The following ADAMTS6 variants were observed in gnomAD, a reference collection of about 807,000 sequenced individuals.
ADAMTS6 encodes A disintegrin and metalloproteinase with thrombospondin motifs 6.
Under a neutral mutation model 144.3 loss-of-function variants are expected in ADAMTS6, and 23 were observed. The observed-to-expected ratio is 0.16, with a 90% CI of 0.11 to 0.23. ADAMTS6 has a LOEUF of 0.23. Ranked by LOEUF, ADAMTS6 falls within the 10% of genes least tolerant of loss-of-function variation. The probability of loss-of-function intolerance (pLI) is 1.00; values close to 1 mark genes in which losing one functional copy is unlikely to be tolerated. For synonymous variants in ADAMTS6, 444 were observed against 457.5 expected, an observed-to-expected ratio of 0.97 and a Z score of 0.38; for missense variants, 999 against 1,379.6, an observed-to-expected ratio of 0.72 and a Z score of 4.37.
chr5:65,313,377 C>A (rs2112850755), intron 9 of ADAMTS6, among the ~76,000 whole-genome samples: 2 of 151,980 alleles, frequency 1.3e-5, no homozygotes, highest in South Asian at 2.1e-4. Flanking sequence ...GTGAATATGT[C>A]CACATTATGT....
At chr5:65,416,516 T>G (rs1755523546) in intron 7 of ADAMTS6, among the ~76,000 whole-genome samples, 1 of 152,156 alleles carries the variant, frequency 6.6e-6, no homozygotes, top group African/African-American at 2.4e-5. Context: ...TTATTCATAA[T>G]GGCCCAAAGG....
At chr5:65,305,917 A>G (rs906253874) in intron 9 of ADAMTS6, among the ~76,000 whole-genome samples, 2 of 152,160 alleles carry the variant, frequency 1.3e-5, no homozygotes, top group African/African-American at 4.8e-5. Context: ...GTGCCTGATC[A>G]CTTGTTCTTT....
intron 14 of ADAMTS6, among the ~76,000 whole-genome samples, chr5:65,245,474 C>T (rs910038831): frequency 6.6e-6 from 1 of 152,156 alleles, no homozygotes; most frequent in African/African-American, 2.4e-5. Context: ...GACAAAACTA[C>T]CTCTTATGTA....
At position 65,215,359 on chromosome 5, in the gene ADAMTS6, C is replaced by T. The variant is rs1756840355; in HGVS notation, c.2401G>A (p.Ala801Thr). 1.2e-6 allele frequency: 2 copies of T among 1,614,024 alleles called. No homozygotes were observed. The highest frequency in any genetic ancestry group is 1.7e-6 in the Non-Finnish European group (2 of 1,179,942). Residue 801 changes from alanine (A) to threonine (T), a missense_variant, in exon 19 of 25, where the codon GCT becomes ACT. By Grantham distance (58) the Ala-to-Thr change is moderately conservative (BLOSUM62 0). Around this residue, in one of 3 missense-constraint regions of ADAMTS6, gnomAD observed 619 missense variants for 837.0 expected, o/e 0.74. Coordinates refer to ENST00000381055, the MANE Select transcript of ADAMTS6 (RefSeq NM_197941.4). ...RPTDEPESLE[A>T]LGPTSENLIV... ...AGATTTTCTGAGGTAGGACCTAGAG[C>T]TTCCAAGGATTCTGGTTCATCAGTT...
chr5:65,299,854 G>T, intron 10 of ADAMTS6, 131 bp downstream of exon 10: 1 of 984,244 alleles, frequency 1.0e-6, no homozygotes. Flanking sequence ...AAAGTATTTA[G>T]GAAAAAGTTG....
At chr5:65,403,892 A>G (rs1314854383) in intron 7 of ADAMTS6, among the ~76,000 whole-genome samples, 1 of 152,024 alleles carries the variant, frequency 6.6e-6, no homozygotes, top group Non-Finnish European at 1.5e-5. Flanking sequence ...AGAAGAGAAC[A>G]AGAATCTTGT....
chr5:65,334,226 A>G, intron 7 of ADAMTS6, 141 bp from the exon 8 acceptor site: 5 of 905,584 alleles, frequency 5.5e-6, no homozygotes, highest in Non-Finnish European at 8.0e-6. Flanking sequence ...CGGCATTTTC[A>G]GCACTCTACA....
rs377505679 is a variant in ADAMTS6, at chr5:65,215,419, C to T, written c.2341G>A (p.Asp781Asn). 6.8e-6 allele frequency: 11 copies of T among 1,613,924 alleles called. No individual in the cohort carries two copies. The highest frequency in any genetic ancestry group is 8.5e-6 in the Non-Finnish European group (10 of 1,179,944). Residue 781 changes from aspartate to asparagine, a missense_variant, in exon 19 of 25, where the codon GAT becomes AAT. This residue lies in a region of ADAMTS6 where 619 missense variants were observed against 837.0 expected (regional missense o/e 0.74). Transcript: ENST00000381055. ...TAATGAAAAGCTGTCCCAGCAACAT[C>T]AAATTTCCTAGGCCAGTCAATAGTC... ...AWTIDWPRKF[D>N]VAGTAFHYKR...
intron 20 of ADAMTS6, among the ~76,000 whole-genome samples, chr5:65,204,898 T>C (rs1755980890): frequency 6.6e-6 from 1 of 152,216 alleles, no homozygotes; most frequent in Admixed American, 6.5e-5. Flanking sequence ...TCTTTAAAAC[T>C]AACTATATAA....
chr5:65,228,507 G>A (rs563827568), intron 15 of ADAMTS6, among the ~76,000 whole-genome samples: 2 of 152,200 alleles, frequency 1.3e-5, no homozygotes, highest in East Asian at 3.9e-4. Flanking sequence ...TCTCCCTGCA[G>A]AAGGATCAAT....
At chr5:65,411,524 C>T (rs906472519) in intron 7 of ADAMTS6, among the ~76,000 whole-genome samples, 25 of 152,152 alleles carry the variant, frequency 1.6e-4, no homozygotes, top group African/African-American at 6.0e-4. Context: ...CCTCCTACTC[C>T]AGCTGTCTTC....
intron 8 of ADAMTS6, among the ~76,000 whole-genome samples, chr5:65,333,464 T>C (rs183761950): frequency 1.2e-4 from 19 of 152,210 alleles, no homozygotes; most frequent in Admixed American, 3.9e-4. Flanking sequence ...GGCTATAATA[T>C]TTTATAAGAT....
At chr5:65,159,653 G>C (rs1314410245) in intron 24 of ADAMTS6, among the ~76,000 whole-genome samples, 1 of 152,144 alleles carries the variant, frequency 6.6e-6, no homozygotes, top group Non-Finnish European at 1.5e-5. Context: ...GCCACGCCTG[G>C]AACAGTACTG....
At chr5:65,333,794 T>C (rs1747013020) in intron 8 of ADAMTS6, among the ~76,000 whole-genome samples, 3 of 151,506 alleles carry the variant, frequency 2.0e-5, no homozygotes, top group Admixed American at 1.3e-4. Flanking sequence ...TTAATAATCA[T>C]TCCAGTTGTC....
intron 9 of ADAMTS6, among the ~76,000 whole-genome samples, chr5:65,323,403 T>C (rs1225429678): frequency 1.3e-5 from 2 of 151,596 alleles, no homozygotes; most frequent in Non-Finnish European, 1.5e-5. Flanking sequence ...TTGCTGAGGA[T>C]GATGGTTTCC....
intron 7 of ADAMTS6, among the ~76,000 whole-genome samples, chr5:65,449,543 C>T (rs1365488072): frequency 6.6e-6 from 1 of 152,010 alleles, no homozygotes; most frequent in Non-Finnish European, 1.5e-5. Flanking sequence ...TTGAACCTAA[C>T]CTAGGAGGTG....
chr5:65,239,343 G>T (rs1758969047), intron 15 of ADAMTS6, among the ~76,000 whole-genome samples: 1 of 150,276 alleles, frequency 6.7e-6, no homozygotes, highest in African/African-American at 2.4e-5. Context: ...AGGACTGACA[G>T]ATCAACAAAA....
At chr5:65,323,727 C>T (rs559851725) in intron 9 of ADAMTS6, among the ~76,000 whole-genome samples, 1 of 152,258 alleles carries the variant, frequency 6.6e-6, no homozygotes, top group Non-Finnish European at 1.5e-5. Context: ...AGTTTACAGT[C>T]CCACCAACAG....
rs1298584723 is a variant in ADAMTS6, at chr5:65,363,205, C to A, written c.1074-29120G>T. ...CGTAAATAAAATAGCTAATACTCAA[C>A]CTTTTGGGAGAAATACTCAGAAAAT... On this transcript the variant is annotated intron_variant, in intron 7 of 24. Coordinates refer to ENST00000381055, the MANE Select transcript of ADAMTS6 (RefSeq NM_197941.4). Among the ~76,000 whole-genome samples the A allele has an allele frequency of 3.9e-5, 6 of 152,034 alleles. No homozygotes were observed. In the South Asian group the frequency reaches 6.2e-4, roughly 16 times the overall value.
Sources: allele counts gnomAD v4.1 joint callset (sites outside exome capture counted in the v4.1 genomes callset), GRCh38; gene constraint gnomAD v4.1.1; regional missense constraint gnomAD v4.1.1; transcripts MANE v1.5; gene names NCBI Gene and HGNC (gene_info 2026-07-23, HGNC 2026-07-21).